ANAPC4: variants seen among roughly 807,000 people sequenced by gnomAD.
The protein encoded by ANAPC4 is anaphase-promoting complex subunit 4.
ANAPC4 carries 63 observed loss-of-function variants against 119.8 expected under a neutral mutation model. The observed-to-expected ratio is 0.53, with a 90% CI of 0.43 to 0.65. The LOEUF (loss-of-function observed/expected upper bound fraction) is 0.65, where lower values mean the gene tolerates loss of function less well. ANAPC4 is among the 30% of genes least tolerant of loss of function. The probability of loss-of-function intolerance (pLI) is 0.00; values close to 1 mark genes in which losing one functional copy is unlikely to be tolerated. For synonymous variants in ANAPC4, 283 were observed against 318.6 expected (o/e 0.89, Z 1.19); for missense variants, 716 against 945.1 (o/e 0.76, Z 3.18).
chr4:25,379,414 T>C (rs1721593608), intron 2 of ANAPC4, among the ~76,000 whole-genome samples: 1 of 152,100 alleles, frequency 6.6e-6, no homozygotes, highest in Non-Finnish European at 1.5e-5. Flanking sequence ...TCTGATTGCA[T>C]GTGATTCAAA....
At chr4:25,392,149 G>C (rs1257369068) in intron 9 of ANAPC4, among the ~76,000 whole-genome samples, 189 bp from the exon 10 acceptor site, 1 of 152,190 alleles carries the variant, frequency 6.6e-6, no homozygotes, top group Non-Finnish European at 1.5e-5. Flanking sequence ...CCCAGAGAGA[G>C]TGATTTGTGT....
intron 27 of ANAPC4, chr4:25,416,878 T>G (rs1460555413): frequency 4.4e-6 from 1 of 225,234 alleles, no homozygotes. Context: ...GTTACATTTT[T>G]AAGGATAGCA....
chr4:25,382,056 A>G lies in ANAPC4; in HGVS notation c.236-1205A>G, dbSNP rs111708709. ...AAAATACATACATGTAGAGATCTAT[A>G]TATAATTTTATCAAAAGACAGTTAT... On this transcript the variant is annotated intron_variant, in intron 3 of 28. Transcript: ENST00000315368. 6.2e-3 allele frequency among the ~76,000 whole-genome samples: 943 copies of G among 152,372 alleles called. 10 individuals carry two copies. Among genetic ancestry groups the G allele is most frequent in the African/African-American group, 0.021 (880 of 41,590 alleles).
At chr4:25,388,779 A>T (rs2109116999) in intron 6 of ANAPC4, 36 bp downstream of exon 6, 4 of 1,603,496 alleles carry the variant, frequency 2.5e-6, no homozygotes, top group Non-Finnish European at 3.4e-6. Context: ...AAGTAAGATA[A>T]TCTGCTATTA....
At chr4:25,398,937 G>A (rs930624924) in intron 16 of ANAPC4, among the ~76,000 whole-genome samples, 5 of 151,156 alleles carry the variant, frequency 3.3e-5, no homozygotes, top group African/African-American at 1.2e-4. Context: ...GGGAGGGGGA[G>A]TGTAGAGTAA....
chr4:25,389,142 G>A (rs892403094), intron 7 of ANAPC4, among the ~76,000 whole-genome samples: 4 of 148,128 alleles, frequency 2.7e-5, no homozygotes, highest in Non-Finnish European at 4.4e-5. Context: ...ACAGGCACGC[G>A]CCACCACACC....
intron 14 of ANAPC4, chr4:25,395,541 C>T (rs981026633): frequency 7.7e-4 from 118 of 152,730 alleles, no homozygotes; most frequent in Non-Finnish European, 4.7e-4. Context: ...CCTCCGCCTC[C>T]CGGGTTCAAG....
In ANAPC4 at chr4:25,388,555, C is replaced by CT; in HGVS notation, c.425dup (p.Pro143ThrfsTer8). ...TGAATCAAATCTTCTCTTACCTAAA[C>CT]TACCTACACTGCCAAAAAAGTATGT... On this transcript the variant is annotated frameshift_variant, in exon 5 of 29. Transcript: ENST00000315368. LOFTEE classifies it high-confidence loss of function. 1.2e-6 allele frequency: 2 copies of CT among 1,605,478 alleles called. No homozygotes were observed. Among genetic ancestry groups the CT allele is most frequent in the Non-Finnish European group, 1.7e-6 (2 of 1,172,966 alleles).
At chr4:25,413,554 G>T in intron 21 of ANAPC4, 91 bp from the exon 22 acceptor site, 8 of 870,738 alleles carry the variant, frequency 9.2e-6, no homozygotes, top group Non-Finnish European at 1.2e-5. Context: ...GATAAACTGT[G>T]CAGACTGGCT....
intron 20 of ANAPC4, 68 bp from the exon 21 acceptor site, chr4:25,409,630 C>CT (rs1253911580): frequency 2.4e-6 from 3 of 1,241,734 alleles, no homozygotes; most frequent in African/African-American, 1.5e-5. Flanking sequence ...TTGTCTTTTA[C>CT]TTTTTTTCTT....
Position 25,407,221 on chromosome 4 carries a change from G to T in ANAPC4, c.1399G>T (p.Gly467Ter). The T allele has an allele frequency of 6.2e-7, 1 of 1,608,154 alleles. No individual in the cohort carries two copies. The highest frequency in any genetic ancestry group is 8.5e-7 in the Non-Finnish European group (1 of 1,177,982). The change falls in exon 20 of 29, where the codon GGA becomes TGA. Residue 467 changes from glycine to a stop codon, truncating the protein, a stop_gained. Coordinates refer to ENST00000315368, the MANE Select transcript of ANAPC4 (RefSeq NM_013367.3). LOFTEE classifies it high-confidence loss of function. ...GGCTCCAGACCTTTATAATCGAAAA[G>T]GAAAATACTTTAACGTTGAAAGAGT... ...NEAPDLYNRK[G>*]KYFNVERVGQ... is the part of the protein sequence containing the mutation.
chr4:25,391,942 C>G (rs543066356), intron 9 of ANAPC4, among the ~76,000 whole-genome samples: 27 of 152,300 alleles, frequency 1.8e-4, no homozygotes, highest in African/African-American at 6.0e-4. Flanking sequence ...GGTAACAGAT[C>G]ATTTTTAATG....
intron 14 of ANAPC4, chr4:25,395,175 G>T (rs1419664414): frequency 6.8e-6 from 2 of 293,600 alleles, no homozygotes; most frequent in East Asian, 1.2e-4. Context: ...AGTATATTTT[G>T]AAATAAGGCA....
chr4:25,379,529 A>G (rs1721600834), intron 2 of ANAPC4, among the ~76,000 whole-genome samples: 1 of 152,180 alleles, frequency 6.6e-6, no homozygotes, highest in East Asian at 1.9e-4. Context: ...TGGGATACAA[A>G]ATGGCCACCA....
intron 17 of ANAPC4, among the ~76,000 whole-genome samples, chr4:25,404,022 A>G (rs931565252): frequency 6.6e-6 from 1 of 152,240 alleles, no homozygotes; most frequent in Non-Finnish European, 1.5e-5. Context: ...CCTCCAACAA[A>G]TGCAAAATTT....
intron 9 of ANAPC4, among the ~76,000 whole-genome samples, chr4:25,391,877 A>T (rs765505887): frequency 6.6e-6 from 1 of 152,228 alleles, no homozygotes; most frequent in Non-Finnish European, 1.5e-5. Flanking sequence ...TGAAACTATG[A>T]TCACCAGGAT....
intron 3 of ANAPC4, among the ~76,000 whole-genome samples, chr4:25,382,782 T>G (rs1721810383): frequency 6.6e-6 from 1 of 152,140 alleles, no homozygotes; most frequent in African/African-American, 2.4e-5. Flanking sequence ...TACTAGAAAA[T>G]TCAGCCACAC....
chr4:25,377,379 G>A (rs1721460293), intron 1 of ANAPC4, 35 bp downstream of exon 1: 4 of 1,602,452 alleles, frequency 2.5e-6, no homozygotes, highest in Non-Finnish European at 3.4e-6. Flanking sequence ...GTGGAGAGCC[G>A]GGGGCTCCTG....
chr4:25,384,684 C>T (rs543103204), intron 4 of ANAPC4, among the ~76,000 whole-genome samples: 1 of 152,092 alleles, frequency 6.6e-6, no homozygotes, highest in East Asian at 1.9e-4. Flanking sequence ...TAGCTATAGT[C>T]CCAGCTGCTC....
Sources: allele counts gnomAD v4.1 joint callset (sites outside exome capture counted in the v4.1 genomes callset), GRCh38; gene constraint gnomAD v4.1.1; transcripts MANE v1.5; gene names NCBI Gene and HGNC (gene_info 2026-07-23, HGNC 2026-07-21).